Variants in GPCPD1 observed in about 807,000 individuals in gnomAD.
The protein encoded by GPCPD1 is glycerophosphocholine phosphodiesterase 1.
In GPCPD1, 29 loss-of-function variants were observed where a neutral mutation model predicts 89.2. The observed-to-expected ratio is 0.33, with a 90% CI of 0.24 to 0.44. The LOEUF (loss-of-function observed/expected upper bound fraction) is 0.44, where lower values mean the gene tolerates loss of function less well. Ranked by LOEUF, GPCPD1 falls within the 20% of genes least tolerant of loss-of-function variation. GPCPD1 has a pLI of 1.00. For missense variants in GPCPD1, 594 were observed against 808.9 expected, an observed-to-expected ratio of 0.73 and a Z score of 3.22; for synonymous variants, 258 against 266.3, an observed-to-expected ratio of 0.97 and a Z score of 0.30.
At chr20:5,550,194 A>T (rs1297676889) in intron 19 of GPCPD1, among the ~76,000 whole-genome samples, 2 of 151,354 alleles carry the variant, frequency 1.3e-5, no homozygotes, top group Non-Finnish European at 2.9e-5. Context: ...ACTATCTCAA[A>T]AAAAAAACAA....
chr20:5,572,304 T>C (rs1986768741), intron 11 of GPCPD1, among the ~76,000 whole-genome samples: 1 of 152,184 alleles, frequency 6.6e-6, no homozygotes, highest in Admixed American at 6.5e-5. Flanking sequence ...TATTAATAAA[T>C]ATCATATTTT....
intron 3 of GPCPD1, 57 bp downstream of exon 3, chr20:5,598,668 C>T: frequency 1.0e-6 from 1 of 998,766 alleles, no homozygotes; most frequent in Non-Finnish European, 1.6e-6. Context: ...TTAAAAGCCC[C>T]TAACATCATA....
chr20:5,566,611 T>G, intron 14 of GPCPD1, 122 bp downstream of exon 14: 1 of 625,210 alleles, frequency 1.6e-6, no homozygotes, highest in Non-Finnish European at 2.9e-6. Context: ...AAATTACATT[T>G]AGAAGGCCCA....
At chr20:5,568,422 CTT>C (rs67963548) in intron 12 of GPCPD1, among the ~76,000 whole-genome samples, 1 of 150,342 alleles carries the variant, frequency 6.7e-6, no homozygotes, top group Non-Finnish European at 1.5e-5. Flanking sequence ...TTCTGAAATA[CTT>C]TTTTTTTTTC....
rs1343793847 is a variant in GPCPD1 at position 5,554,589 on chromosome 20, T to C, written c.1829+3356A>G. Among the ~76,000 whole-genome samples the C allele has an allele frequency of 2.6e-5, 4 of 152,188 alleles. No individual in the cohort carries two copies. In the East Asian group the frequency reaches 5.8e-4, roughly 22 times the overall value. On this transcript the variant is annotated intron_variant, in intron 19 of 19. Transcript: ENST00000379019. ...TGGTTTACTGAATATTTTAAGCCCATAGTTGAGACGTACGGCTCAGGAAGA... is the reference window on the plus strand; with the variant it reads ...TGGTTTACTGAATATTTTAAGCCCACAGTTGAGACGTACGGCTCAGGAAGA...
chr20:5,583,836 A>G (rs2122711212), intron 6 of GPCPD1, among the ~76,000 whole-genome samples: 1 of 152,390 alleles, frequency 6.6e-6, no homozygotes, highest in Non-Finnish European at 1.5e-5. Flanking sequence ...AAAAGGCTAC[A>G]TTAGCAGTTC....
In GPCPD1 at chr20:5,552,239, G is replaced by T. The variant is rs543040537; in HGVS notation, c.1830-4389C>A. Among the ~76,000 whole-genome samples the T allele has an allele frequency of 1.2e-3, 186 of 152,184 alleles. 1 individual carries two copies. The highest frequency in any genetic ancestry group is 4.3e-3 in the African/African-American group (177 of 41,514). On this transcript the variant is annotated intron_variant, in intron 19 of 19. Transcript: ENST00000379019. The stretch of plus-strand genomic sequence containing the variant: ...CCTTTCCCCTCCTCAGACCCTATTA[G>T]GAATCCAGTGCCTGGCCACCTCCCT...
chr20:5,547,400 T>C lies in GPCPD1; in HGVS notation c.*261A>G, dbSNP rs916168253. ...TTTAATGAACATATGTTTAACATTA[T>C]AGATTTATATATTTAGTTTAAAATA... On this transcript the variant is annotated 3_prime_UTR_variant, in exon 20 of 20. Transcript: ENST00000379019. The C allele has an allele frequency of 1.0e-5, 2 of 200,930 alleles. No individual in the cohort carries two copies. Among genetic ancestry groups the C allele is most frequent in the Admixed American group, 5.9e-5 (1 of 17,004 alleles). 12.4% of individuals were successfully genotyped at this position (200,930 alleles called of 1,614,324 possible). A position where few individuals can be genotyped will look rare whatever the true frequency, so the allele number is the denominator to read the frequency against.
At position 5,575,960 on chromosome 20, in the gene GPCPD1, C is replaced by T. The variant is rs369115464; in HGVS notation, c.724G>A (p.Val242Ile). 2.8e-5 allele frequency: 45 copies of T among 1,587,022 alleles called. No homozygotes were observed. The highest frequency in any genetic ancestry group is 3.3e-5 in the Non-Finnish European group (38 of 1,163,526). The change falls in exon 9 of 20, where the codon GTA (valine) becomes ATA (isoleucine). Residue 242 changes from valine (V) to isoleucine (I), a missense_variant. Coordinates refer to ENST00000379019, the MANE Select transcript of GPCPD1 (RefSeq NM_019593.5). ...CCAGGAAGGGCATCACCCTGAACTA[C>T]GTGCTCACTGAGATCTTCCTGAAAA... Reference protein sequence around the residue: ...DFFEEDLSEHVVQGDALPGHV... With the variant: ...DFFEEDLSEHIVQGDALPGHV...
At chr20:5,581,792 C>T (rs1361445028) in intron 6 of GPCPD1, among the ~76,000 whole-genome samples, 1 of 121,748 alleles carries the variant, frequency 8.2e-6, no homozygotes, top group Non-Finnish European at 1.6e-5. Flanking sequence ...CTTAAGAATG[C>T]TTAATAATTG....
At chr20:5,587,466 C>G (rs1173880894) in intron 4 of GPCPD1, among the ~76,000 whole-genome samples, 1 of 151,890 alleles carries the variant, frequency 6.6e-6, no homozygotes, top group Non-Finnish European at 1.5e-5. Context: ...CTCCTGGGTT[C>G]AAGTGATTCC....
chr20:5,578,009 C>T (rs1188192617), intron 8 of GPCPD1, among the ~76,000 whole-genome samples: 1 of 152,184 alleles, frequency 6.6e-6, no homozygotes, highest in Non-Finnish European at 1.5e-5. Flanking sequence ...GACAGGCTTC[C>T]ATCATAGTGA....
At chr20:5,607,616 A>G (rs1568684699) in intron 1 of GPCPD1, among the ~76,000 whole-genome samples, 1 of 152,056 alleles carries the variant, frequency 6.6e-6, no homozygotes, top group East Asian at 1.9e-4. Flanking sequence ...CCCTTCATCA[A>G]AATAATTTCT....
At chr20:5,554,924 A>G (rs1164228167) in intron 19 of GPCPD1, among the ~76,000 whole-genome samples, 1 of 152,242 alleles carries the variant, frequency 6.6e-6, no homozygotes, top group African/African-American at 2.4e-5. Context: ...AGAAGCTGAT[A>G]TCAATCCTCA....
intron 1 of GPCPD1, among the ~76,000 whole-genome samples, chr20:5,608,065 G>C (rs1216864383): frequency 6.6e-6 from 1 of 152,020 alleles, no homozygotes; most frequent in African/African-American, 2.4e-5. Flanking sequence ...ATCAACTTAA[G>C]GGAAATCAGA....
chr20:5,595,565 T>C (rs1010855842), intron 3 of GPCPD1, among the ~76,000 whole-genome samples: 12 of 152,028 alleles, frequency 7.9e-5, no homozygotes, highest in African/African-American at 2.9e-4. Flanking sequence ...CACTTGAACC[T>C]GGGAGGCTGA....
Position 5,610,963 on chromosome 20 carries a change from C to A in GPCPD1, c.-150G>T, listed in dbSNP as rs910168491. ...GCCAGCGCTCCCCCCAGGCGGCCTG[C>A]CGCGGCGTCGAGCGGCAGGAAGCAG... On this transcript the variant is annotated 5_prime_UTR_variant, in exon 1 of 20. Transcript: ENST00000379019. 1 of 151,932 alleles carries A rather than the reference C, an allele frequency of 6.6e-6. No homozygotes were observed. Among genetic ancestry groups the A allele is most frequent in the African/African-American group, 2.4e-5 (1 of 41,392 alleles). The allele number at this position is 151,932 out of a possible 1,614,324, so 9.4% of individuals were successfully genotyped here.
At chr20:5,602,309 C>T (rs981320669) in intron 2 of GPCPD1, among the ~76,000 whole-genome samples, 1 of 152,182 alleles carries the variant, frequency 6.6e-6, no homozygotes, top group Non-Finnish European at 1.5e-5. Flanking sequence ...TCCATTTGCC[C>T]GACATGGCCA....
intron 19 of GPCPD1, among the ~76,000 whole-genome samples, chr20:5,552,993 T>C (rs912592756): frequency 2.6e-5 from 4 of 152,170 alleles, no homozygotes; most frequent in Non-Finnish European, 5.9e-5. Flanking sequence ...TTTCTTATAA[T>C]TTAATTTTAT....
Sources: gnomAD v4.1 joint callset for allele counts (sites outside exome capture counted in the v4.1 genomes callset) on GRCh38, gnomAD v4.1.1 for gene constraint, MANE v1.5 for transcripts, NCBI Gene and HGNC (gene_info 2026-07-23, HGNC 2026-07-21) for gene names.